The following WDFY3 variants were observed in gnomAD, a reference collection of about 807,000 sequenced individuals.
WDFY3 encodes the protein WD repeat and FYVE domain containing 3.
WDFY3 carries 66 observed loss-of-function variants against 409.6 expected under a neutral mutation model. That is an observed-to-expected ratio of 0.16 (90% CI 0.13 to 0.20). The LOEUF is 0.20. WDFY3 is among the 10% of genes least tolerant of loss of function. The pLI is 1.00. For synonymous variants in WDFY3, 1,521 were observed against 1,537.1 expected (o/e 0.99, Z 0.25); for missense variants, 3,031 against 4,298.1 (o/e 0.71, Z 8.24).
At chr4:84,842,088 T>C (rs142642154) in intron 5 of WDFY3, among the ~76,000 whole-genome samples, 274 of 152,020 alleles carry the variant, frequency 1.8e-3, no homozygotes, top group African/African-American at 6.4e-3. Context: ...GAGAGAAGAG[T>C]AAATGGAGAA....
At chr4:84,783,160 TAACA>T in intron 24 of WDFY3, 86 bp from the exon 25 acceptor site, 2 of 1,211,078 alleles carry the variant, frequency 1.7e-6, no homozygotes, top group Non-Finnish European at 2.4e-6. Context: ...ACATGAATGG[TAACA>T]TATCTTTTCT....
At chr4:84,771,649 T>C (rs1744701468) in intron 30 of WDFY3, among the ~76,000 whole-genome samples, 1 of 152,174 alleles carries the variant, frequency 6.6e-6, no homozygotes, top group African/African-American at 2.4e-5. Context: ...ATTGGATAAA[T>C]TTCTTTTACT....
chr4:84,774,711 A>G, intron 29 of WDFY3, 109 bp downstream of exon 29: 1 of 1,082,510 alleles, frequency 9.2e-7, no homozygotes, highest in Non-Finnish European at 1.3e-6. Flanking sequence ...TATTAACATT[A>G]CAGGTGTTAT....
rs148969549 is a variant in WDFY3 at position 84,691,486 on chromosome 4, A to G, written c.9204+145T>C. ...ATTCAGTGAAGCTCTCCTTTCCCCA[A>G]ATAGGAAAGCTCACTTTTCTTTTGG... On this transcript the variant is annotated intron_variant, in intron 60 of 67. Coordinates refer to ENST00000295888, the MANE Select transcript of WDFY3 (RefSeq NM_014991.6). The G allele has an allele frequency of 1.9e-5, 16 of 828,204 alleles. No individual in the cohort carries two copies. The East Asian group carries it at 3.4e-4, about 18-fold the overall frequency. The allele number at this position is 828,204 out of a possible 1,614,324, so 51.3% of individuals were successfully genotyped here. A position where few individuals can be genotyped will look rare whatever the true frequency, so the allele number is the denominator to read the frequency against.
At chr4:84,858,736 A>G (rs993326337) in intron 4 of WDFY3, among the ~76,000 whole-genome samples, 1 of 150,640 alleles carries the variant, frequency 6.6e-6, no homozygotes, top group African/African-American at 2.4e-5. Context: ...AATATAGACA[A>G]CAAGTGAGAC....
intron 8 of WDFY3, among the ~76,000 whole-genome samples, chr4:84,829,731 C>T (rs1175719304): frequency 1.3e-5 from 2 of 151,280 alleles, no homozygotes; most frequent in African/African-American, 2.4e-5. Context: ...CACTTGAACC[C>T]GGGAGGCAGA....
chr4:84,783,660 A>T (rs146235903), intron 24 of WDFY3, among the ~76,000 whole-genome samples: 1 of 152,334 alleles, frequency 6.6e-6, no homozygotes, highest in East Asian at 1.9e-4. Flanking sequence ...ATCAGTGAAC[A>T]TATTAGCTTT....
At chr4:84,722,782 T>C (rs1055323684) in intron 46 of WDFY3, among the ~76,000 whole-genome samples, 3 of 152,192 alleles carry the variant, frequency 2.0e-5, no homozygotes, top group Non-Finnish European at 4.4e-5. Context: ...CTAAGCACTT[T>C]GGAAAAGCAC....
intron 1 of WDFY3, among the ~76,000 whole-genome samples, chr4:84,957,503 T>C (rs1774390578): frequency 6.6e-6 from 1 of 152,162 alleles, no homozygotes; most frequent in Non-Finnish European, 1.5e-5. Context: ...TATATCTCAA[T>C]GTCCCTTCTC....
At chr4:84,679,444 AAG>A (rs1315790465) in intron 64 of WDFY3, among the ~76,000 whole-genome samples, 17 of 152,286 alleles carry the variant, frequency 1.1e-4, no homozygotes, top group African/African-American at 4.1e-4. Context: ...GAATTTCTGA[AAG>A]AGTTTATTAA....
chr4:84,854,252 T>C (rs969286733), intron 4 of WDFY3, among the ~76,000 whole-genome samples: 1 of 152,102 alleles, frequency 6.6e-6, no homozygotes, highest in Non-Finnish European at 1.5e-5. Flanking sequence ...AGATTGATTC[T>C]GGGGTGTACA....
chr4:84,730,532 T>C (rs4408954), intron 44 of WDFY3, among the ~76,000 whole-genome samples: 133,034 of 152,256 alleles, frequency 0.87, 58,540 homozygotes, highest in East Asian at 1. Flanking sequence ...TACTACACTA[T>C]TTAGCAGCTG....
chr4:84,740,372 A>G lies in WDFY3; in HGVS notation c.6279T>C (p.His2093=), dbSNP rs754576836. 4 of 1,614,064 alleles carry G rather than the reference A, an allele frequency of 2.5e-6. No individual in the cohort carries two copies. The African/African-American group carries it at 5.3e-5, about 22-fold the overall frequency. Residue 2093 remains histidine (H), a synonymous_variant, in exon 39 of 68, where the codon CAT becomes CAC. Coordinates refer to ENST00000295888, the MANE Select transcript of WDFY3 (RefSeq NM_014991.6). Reference sequence around the variant, plus strand: ...GGTACAAGATGGTCCTATTGAGGCAATGATACACTGCATCCAGTGACAATC... The same window carrying G: ...GGTACAAGATGGTCCTATTGAGGCAGTGATACACTGCATCCAGTGACAATC... ...SQGLSLDAVY[H]CLNRTILYQF... is the part of the protein sequence containing the mutation.
At position 84,684,100 on chromosome 4, in the gene WDFY3, G is replaced by T; in HGVS notation, c.9569C>A (p.Thr3190Lys). 6.2e-7 allele frequency: 1 copy of T among 1,601,354 alleles called. No individual in the cohort carries two copies. Among genetic ancestry groups the T allele is most frequent in the South Asian group, 1.1e-5 (1 of 90,532 alleles). The change falls in exon 63 of 68, where the codon ACA (threonine) becomes AAA (lysine). Residue 3190 changes from threonine (T) to lysine (K), a missense_variant. By Grantham distance (78) the Thr-to-Lys change is moderately conservative. Around this residue, in one of 16 missense-constraint regions of WDFY3, gnomAD observed 378 missense variants for 477.3 expected, o/e 0.79. Coordinates refer to ENST00000295888, the MANE Select transcript of WDFY3 (RefSeq NM_014991.6). ...LTGDIVSCAGTYIHVWSINGN... is the reference protein window; with the variant it reads ...LTGDIVSCAGKYIHVWSINGN... ...ATTGATGCTCCACACATGGATATAT[G>T]TGCCAGCGCAGGACACAATGTCCCC...
chr4:84,880,686 TATATATATATATA>T (rs1442506304), intron 3 of WDFY3, among the ~76,000 whole-genome samples: 29 of 31,020 alleles, frequency 9.3e-4, no homozygotes, highest in African/African-American at 3.1e-3. Flanking sequence ...TATATATATA[TATATATATATATA>T]TATATATATA....
intron 4 of WDFY3, among the ~76,000 whole-genome samples, chr4:84,853,937 G>T (rs879881478): frequency 6.6e-6 from 1 of 152,114 alleles, no homozygotes; most frequent in Non-Finnish European, 1.5e-5. Flanking sequence ...GAATACAAAG[G>T]TAAATAAAAC....
Position 84,817,423 on chromosome 4 carries a change from G to A in WDFY3, c.1856C>T (p.Thr619Met), listed in dbSNP as rs142360058. ...AATATCAGTCTTCAACTGCAATTCC[G>A]TCGGTGGGGCTGAATGCATTAGCCC... ...LLGLMHSAPP[T>M]ELQLKTDILR... Residue 619 changes from threonine to methionine, a missense_variant, in exon 13 of 68, where the codon ACG (threonine) becomes ATG (methionine). Coordinates refer to ENST00000295888, the MANE Select transcript of WDFY3 (RefSeq NM_014991.6). The A allele has an allele frequency of 1.8e-4, 287 of 1,613,638 alleles. No individual in the cohort carries two copies. The African/African-American group carries it at 2.9e-3, about 16-fold the overall frequency.
intron 2 of WDFY3, among the ~76,000 whole-genome samples, chr4:84,904,523 C>A (rs1310662392): frequency 6.6e-6 from 1 of 152,054 alleles, no homozygotes; most frequent in Non-Finnish European, 1.5e-5. Context: ...ATTACAGTAC[C>A]ATTACTGCCA....
At chr4:84,680,035 C>G (rs970964309) in intron 64 of WDFY3, among the ~76,000 whole-genome samples, 2 of 151,850 alleles carry the variant, frequency 1.3e-5, no homozygotes, top group Non-Finnish European at 1.5e-5. Context: ...GGACTACAGG[C>G]ACCCACCACC....
Sources: gnomAD v4.1 joint callset for allele counts (sites outside exome capture counted in the v4.1 genomes callset) on GRCh38, gnomAD v4.1.1 for gene constraint, gnomAD v4.1.1 regional missense constraint, MANE v1.5 for transcripts, NCBI Gene and HGNC (gene_info 2026-07-23, HGNC 2026-07-21) for gene names.